Variants in CORIN observed in about 807,000 individuals in gnomAD.
The protein encoded by CORIN is atrial natriuretic peptide-converting enzyme.
A neutral mutation model predicts 125.3 loss-of-function variants in CORIN; 117 were observed. The observed-to-expected ratio is 0.93, with a 90% CI of 0.80 to 1.09. The LOEUF is 1.09. Among genes scored for constraint, CORIN ranks in the 50% least tolerant of loss-of-function variants. CORIN has a pLI of 0.00. For synonymous variants in CORIN, 450 were observed against 466.4 expected (o/e 0.96, Z 0.45); for missense variants, 1,253 against 1,306.7 (o/e 0.96, Z 0.63).
At chr4:47,802,209 C>T (rs1444792309) in intron 2 of CORIN, among the ~76,000 whole-genome samples, 2 of 152,178 alleles carry the variant, frequency 1.3e-5, no homozygotes, top group Non-Finnish European at 2.9e-5. Context: ...TGGTGAAAGA[C>T]TCTTTCTATT....
intron 3 of CORIN, among the ~76,000 whole-genome samples, chr4:47,779,544 T>A: frequency 6.6e-6 from 1 of 151,924 alleles, no homozygotes; most frequent in Non-Finnish European, 1.5e-5. Flanking sequence ...CAAGTGATTC[T>A]CCTGCCTCAG....
intron 5 of CORIN, among the ~76,000 whole-genome samples, chr4:47,701,236 C>T (rs140842199): frequency 2.6e-5 from 4 of 152,300 alleles, no homozygotes; most frequent in Admixed American, 6.5e-5. Flanking sequence ...TTTCATTCAA[C>T]GTCCCTTGGT....
chr4:47,696,266 G>A lies in CORIN; in HGVS notation c.800-3183C>T, dbSNP rs16860602. Among the ~76,000 whole-genome samples, 788 of 152,252 alleles carry A rather than the reference G, an allele frequency of 5.2e-3. 8 individuals carry two copies. Among genetic ancestry groups the A allele is most frequent in the African/African-American group, 0.018 (744 of 41,542 alleles). ...GAGTGGCCCCTTAGGATGACAAAGG[G>A]AGATTCCATGAGAAGTCATGCTATA... On this transcript the variant is annotated intron_variant, in intron 5 of 21. Coordinates refer to ENST00000273857, the MANE Select transcript of CORIN (RefSeq NM_006587.4).
intron 5 of CORIN, among the ~76,000 whole-genome samples, chr4:47,724,490 G>A (rs542621871): frequency 6.6e-6 from 1 of 152,174 alleles, no homozygotes; most frequent in East Asian, 1.9e-4. Context: ...AATGGCTGAA[G>A]TTTTCTAAAT....
At chr4:47,663,854 A>AT (rs1261484556) in intron 11 of CORIN, among the ~76,000 whole-genome samples, 2 of 152,104 alleles carry the variant, frequency 1.3e-5, no homozygotes, top group Admixed American at 1.3e-4. Context: ...ATTTTCAGAT[A>AT]TTTTTCTACA....
chr4:47,752,360 GCA>G (rs1728942335), intron 4 of CORIN, among the ~76,000 whole-genome samples: 1 of 152,084 alleles, frequency 6.6e-6, no homozygotes, highest in African/African-American at 2.4e-5. Flanking sequence ...TCCCTCCTGT[GCA>G]CAGTCAGCAC....
At chr4:47,658,879 C>T (rs1245133303) in intron 12 of CORIN, among the ~76,000 whole-genome samples, 1 of 152,236 alleles carries the variant, frequency 6.6e-6, no homozygotes, top group Non-Finnish European at 1.5e-5. Flanking sequence ...CTCTGCTTCC[C>T]TTTTAACTAT....
At chr4:47,695,765 C>G (rs1173931877) in intron 5 of CORIN, among the ~76,000 whole-genome samples, 9 of 152,154 alleles carry the variant, frequency 5.9e-5, no homozygotes, top group Non-Finnish European at 1.5e-5. Flanking sequence ...AACCTGTATT[C>G]AGAATTTCCA....
chr4:47,804,736 AGGGG>A (rs1213620706), intron 2 of CORIN, among the ~76,000 whole-genome samples: 1 of 17,604 alleles, frequency 5.7e-5, no homozygotes, highest in Non-Finnish European at 1.1e-4. Context: ...GGGGGTGGGG[AGGGG>A]GGGGGTTGTT....
At chr4:47,830,066 C>T (rs188242100) in intron 1 of CORIN, among the ~76,000 whole-genome samples, 1 of 152,244 alleles carries the variant, frequency 6.6e-6, no homozygotes, top group East Asian at 1.9e-4. Context: ...GATTTCCAAA[C>T]CACACTACAG....
At chr4:47,653,513 TCACTGTA>T in intron 13 of CORIN, 33 bp downstream of exon 13, 1 of 1,463,476 alleles carries the variant, frequency 6.8e-7, no homozygotes, top group Non-Finnish European at 9.6e-7. Context: ...ATTCTAGTTA[TCACTGTA>T]CATTCAAGAA....
chr4:47,671,918 A>G (rs1724780775), intron 10 of CORIN, among the ~76,000 whole-genome samples: 1 of 152,184 alleles, frequency 6.6e-6, no homozygotes, highest in Non-Finnish European at 1.5e-5. Flanking sequence ...CACAGGAGTA[A>G]TGAGGGCAAG....
chr4:47,729,641 G>C (rs565858429), intron 5 of CORIN, among the ~76,000 whole-genome samples: 1 of 152,234 alleles, frequency 6.6e-6, no homozygotes, highest in African/African-American at 2.4e-5. Flanking sequence ...GGGTAGAAGA[G>C]GGCGGTTCCC....
chr4:47,624,830 G>A (rs1722483678), intron 17 of CORIN, among the ~76,000 whole-genome samples: 1 of 151,330 alleles, frequency 6.6e-6, no homozygotes, highest in South Asian at 2.1e-4. Flanking sequence ...TCCATATTGG[G>A]ACTTTCAAAA....
chr4:47,653,051 C>G (rs988911524), intron 13 of CORIN, among the ~76,000 whole-genome samples: 10 of 152,178 alleles, frequency 6.6e-5, no homozygotes, highest in African/African-American at 2.4e-4. Context: ...CCTGGTTAAG[C>G]ATGGTCCAAA....
At chr4:47,650,677 C>T (rs1028937897) in intron 13 of CORIN, among the ~76,000 whole-genome samples, 6 of 152,168 alleles carry the variant, frequency 3.9e-5, no homozygotes, top group African/African-American at 9.7e-5. Flanking sequence ...GAAAATGTTA[C>T]GTTGAAAATA....
chr4:47,613,630 A>G (rs979210514), intron 19 of CORIN, among the ~76,000 whole-genome samples: 2 of 151,728 alleles, frequency 1.3e-5, no homozygotes, highest in Non-Finnish European at 2.9e-5. Flanking sequence ...ATGCAGCCAT[A>G]AAAAATGATG....
At chr4:47,783,205 G>GA (rs1243180735) in intron 3 of CORIN, among the ~76,000 whole-genome samples, 7 of 151,694 alleles carry the variant, frequency 4.6e-5, no homozygotes, top group Middle Eastern at 6.8e-3. Flanking sequence ...AATACATAAG[G>GA]AAAAAATGGT....
chr4:47,805,294 A>G (rs889955385), intron 2 of CORIN, among the ~76,000 whole-genome samples: 1 of 152,068 alleles, frequency 6.6e-6, no homozygotes, highest in Non-Finnish European at 1.5e-5. Flanking sequence ...ACATGCCTGT[A>G]GGAAAGTATG....
Sources: gnomAD v4.1 joint callset for allele counts (sites outside exome capture counted in the v4.1 genomes callset) on GRCh38, gnomAD v4.1.1 for gene constraint, MANE v1.5 for transcripts, NCBI Gene and HGNC (gene_info 2026-07-23, HGNC 2026-07-21) for gene names.